The following DOT1L variants were observed in gnomAD, a reference collection of about 807,000 sequenced individuals.
DOT1L encodes the protein histone-lysine N-methyltransferase, H3 lysine-79 specific.
DOT1L carries 33 observed loss-of-function variants against 153.3 expected under a neutral mutation model. The observed-to-expected ratio is 0.22, with a 90% CI of 0.16 to 0.29. DOT1L has a LOEUF of 0.29. Among genes scored for constraint, DOT1L ranks in the 10% least tolerant of loss-of-function variants. The pLI is 1.00. For synonymous variants in DOT1L, 1,135 were observed against 965.1 expected (o/e 1.18, Z -3.26); for missense variants, 1,847 against 2,119.9 (o/e 0.87, Z 2.53).
rs141364471 is a variant in DOT1L at position 2,178,021 on chromosome 19, C to T, written c.82-2692C>T. Among the ~76,000 whole-genome samples, 1,226 of 151,680 alleles carry T rather than the reference C, an allele frequency of 8.1e-3. 9 individuals carry two copies. Among genetic ancestry groups the T allele is most frequent in the Non-Finnish European group, 0.013 (888 of 67,958 alleles). Reference sequence around the variant, plus strand: ...CACTGCAACCTCTGCCTCCTGAGTTCAAGTGAATCTCCTGGCTCAGCCTCC... The same window carrying T: ...CACTGCAACCTCTGCCTCCTGAGTTTAAGTGAATCTCCTGGCTCAGCCTCC... On this transcript the variant is annotated intron_variant, in intron 1 of 27. Coordinates refer to ENST00000398665, the MANE Select transcript of DOT1L (RefSeq NM_032482.3).
At chr19:2,194,489 CG>C in intron 6 of DOT1L, 25 bp from the exon 7 acceptor site, 2 of 1,613,740 alleles carry the variant, frequency 1.2e-6, no homozygotes, top group Non-Finnish European at 8.5e-7. Flanking sequence ...GAGTTTGTAA[CG>C]GGCGTTTGGT....
At position 2,232,468 on chromosome 19, in the gene DOT1L, G is replaced by A. The variant is rs141286902; in HGVS notation, c.*2676G>A. On this transcript the variant is annotated 3_prime_UTR_variant, in exon 28 of 28. Coordinates refer to ENST00000398665, the MANE Select transcript of DOT1L (RefSeq NM_032482.3). The stretch of plus-strand genomic sequence containing the variant: ...TCCGGGTGAACTGTATTTGGATTGC[G>A]CGCATTGTCACGGTCCGCCCCTGGG... The A allele has an allele frequency of 1.4e-3, 306 of 222,406 alleles. 1 individual carries two copies. The highest frequency in any genetic ancestry group is 5.6e-3 in the African/African-American group (251 of 44,716). The allele number at this position is 222,406 out of a possible 1,614,324, so 13.8% of individuals were successfully genotyped here.
At chr19:2,169,214 C>G (rs1015485087) in intron 1 of DOT1L, among the ~76,000 whole-genome samples, 3 of 152,084 alleles carry the variant, frequency 2.0e-5, no homozygotes, top group Non-Finnish European at 4.4e-5. Flanking sequence ...GGTGAGCTGT[C>G]CCCACCGTGA....
At position 2,217,954 on chromosome 19, in the gene DOT1L, C is replaced by A; in HGVS notation, c.2691+36C>A. ...CCCAGGTGGCTGTCCCCAAGGGCCA[C>A]GTTGAGGCAAAACAGTCTGGGGTGC... On this transcript the variant is annotated intron_variant, in intron 22 of 27. Transcript: ENST00000398665. This position sits in a 1 kb window ranked among gnomAD's most constrained non-coding sequence, Gnocchi z 7.3. 1 of 1,602,636 alleles carries A rather than the reference C, an allele frequency of 6.2e-7. No homozygotes were observed. The highest frequency in any genetic ancestry group is 8.5e-7 in the Non-Finnish European group (1 of 1,176,894).
intron 1 of DOT1L, among the ~76,000 whole-genome samples, chr19:2,169,440 G>A (rs566304727): frequency 1.2e-4 from 19 of 152,288 alleles, no homozygotes; most frequent in African/African-American, 4.6e-4. Context: ...GGGGTACTGG[G>A]GCGGGGAATT....
Position 2,217,914 on chromosome 19 carries a change from G to A in DOT1L, c.2687G>A (p.Arg896Lys), listed in dbSNP as rs770910000. Residue 896 changes from arginine to lysine, a missense_variant, in exon 22 of 28, where the codon AGG becomes AAG. By Grantham distance (26) the Arg-to-Lys change is conservative (BLOSUM62 2). Coordinates refer to ENST00000398665, the MANE Select transcript of DOT1L (RefSeq NM_032482.3). This position sits in a 1 kb window ranked among gnomAD's most constrained non-coding sequence, Gnocchi z 7.3. The part of the protein sequence containing the change: ...ASVVLPSRAE[R>K]ARSTPSPVLQ... The stretch of plus-strand genomic sequence containing the variant: ...GTGGTGCTGCCCAGCCGCGCCGAGA[G>A]GGCGGTGAGTGGCTCCCAGGTGGCT... 4.3e-6 allele frequency: 7 copies of A among 1,611,488 alleles called. No homozygotes were observed. The highest frequency in any genetic ancestry group is 5.9e-6 in the Non-Finnish European group (7 of 1,179,644).
intron 25 of DOT1L, 22 bp downstream of exon 25, chr19:2,223,508 G>C: frequency 6.3e-7 from 1 of 1,583,708 alleles, no homozygotes; most frequent in East Asian, 2.3e-5. Context: ...GGCCCGGAGG[G>C]GGGCGGGGCC....
At chr19:2,175,432 C>T (rs1405809221) in intron 1 of DOT1L, among the ~76,000 whole-genome samples, 2 of 152,228 alleles carry the variant, frequency 1.3e-5, no homozygotes, top group African/African-American at 2.4e-5. Context: ...TCCTAAGTTG[C>T]TGGGACCCCA....
intron 17 of DOT1L, 62 bp downstream of exon 17, chr19:2,213,702 G>T (rs997276180): frequency 1.2e-6 from 2 of 1,605,316 alleles, no homozygotes; most frequent in Non-Finnish European, 1.7e-6. Context: ...GGTGGTCCAT[G>T]TCCGTCGGTA....
intron 20 of DOT1L, 37 bp from the exon 21 acceptor site, chr19:2,216,918 C>T (rs767492250): frequency 5.7e-6 from 9 of 1,587,078 alleles, no homozygotes; most frequent in Non-Finnish European, 7.8e-6. Context: ...AGTGCCAGCC[C>T]ACGGCCCTCG....
At chr19:2,173,890 T>C (rs1455993355) in intron 1 of DOT1L, among the ~76,000 whole-genome samples, 2 of 152,352 alleles carry the variant, frequency 1.3e-5, no homozygotes, top group African/African-American at 4.8e-5. Context: ...TCAGCCCTCC[T>C]GAGCCCCTCC....
chr19:2,211,163 C>T lies in DOT1L; in HGVS notation c.1416C>T (p.Pro472=). 6.2e-7 allele frequency: 1 copy of T among 1,612,620 alleles called. No homozygotes were observed. Among genetic ancestry groups the T allele is most frequent in the Non-Finnish European group, 8.5e-7 (1 of 1,179,628 alleles). ...CTCCGAGCGTGCAGCGGCACTCCCC[C>T]AACCCGCTGCTGGTGGCGCCCACCC... ...QLPPSVQRHS[P]NPLLVAPTPP... The change falls in exon 15 of 28, where the codon CCC becomes CCT. Residue 472 remains proline, a synonymous_variant. Coordinates refer to ENST00000398665, the MANE Select transcript of DOT1L (RefSeq NM_032482.3).
Position 2,204,185 on chromosome 19 carries a change from G to A in DOT1L, c.787+1406G>A, listed in dbSNP as rs577032301. ...TGTGTGTCTGTTAGCGTGTCTCTGT[G>A]TGCGTGCCTGTGCGTGCCTGTGTCT... On this transcript the variant is annotated intron_variant, in intron 9 of 27. Coordinates refer to ENST00000398665, the MANE Select transcript of DOT1L (RefSeq NM_032482.3). This position sits in a 1 kb window ranked among gnomAD's most constrained non-coding sequence, Gnocchi z 5.7. 1.3e-5 allele frequency among the ~76,000 whole-genome samples: 2 copies of A among 151,810 alleles called. No individual in the cohort carries two copies. The highest frequency in any genetic ancestry group is 3.9e-4 in the East Asian group (2 of 5,168).
rs1476261089 is a variant in DOT1L, at chr19:2,231,325, CCT to C, written c.*1534_*1535del. ...ATCCACCCTCCAGGGAGCTGCCAGC[CCT>C]GTGTTCTGGTTCCCAAGGGCAGGAT... On this transcript the variant is annotated 3_prime_UTR_variant, in exon 28 of 28. Transcript: ENST00000398665. The C allele has an allele frequency of 3.2e-5, 7 of 216,204 alleles. No homozygotes were observed. The East Asian group carries it at 4.1e-4, about 13-fold the overall frequency. The allele number at this position is 216,204 out of a possible 1,614,324, so 13.4% of individuals were successfully genotyped here.
intron 1 of DOT1L, among the ~76,000 whole-genome samples, chr19:2,168,338 A>G (rs747392442): frequency 7.2e-5 from 11 of 152,160 alleles, no homozygotes; most frequent in Non-Finnish European, 7.4e-5. Flanking sequence ...TAAGTAGATT[A>G]TAAATAGAAG....
At chr19:2,202,848 G>C in intron 9 of DOT1L, 69 bp downstream of exon 9, 1 of 1,537,874 alleles carries the variant, frequency 6.5e-7, no homozygotes, top group Non-Finnish European at 9.0e-7. Flanking sequence ...GGAGGTCCCC[G>C]CAGGGTGTCC....
intron 27 of DOT1L, chr19:2,228,857 C>CTGGA (rs1258779945): frequency 2.0e-6 from 2 of 985,292 alleles, no homozygotes; most frequent in African/African-American, 3.5e-5. Context: ...GGGTGGCTGG[C>CTGGA]TGGATGCCTC....
chr19:2,195,999 C>T (rs1323053782), intron 7 of DOT1L, among the ~76,000 whole-genome samples: 1 of 152,256 alleles, frequency 6.6e-6, no homozygotes, highest in Non-Finnish European at 1.5e-5. Context: ...GGCTGTGTGC[C>T]CGCCCGTCTG....
At chr19:2,165,671 G>T (rs1439457674) in intron 1 of DOT1L, among the ~76,000 whole-genome samples, 2 of 152,234 alleles carry the variant, frequency 1.3e-5, no homozygotes, top group African/African-American at 4.8e-5. Context: ...GTTTTAGGTG[G>T]TAGAAGGCAT....
Sources: allele counts gnomAD v4.1 joint callset (sites outside exome capture counted in the v4.1 genomes callset), GRCh38; gene constraint gnomAD v4.1.1; non-coding constraint Gnocchi (gnomAD v3.1); transcripts MANE v1.5; gene names NCBI Gene and HGNC (gene_info 2026-07-23, HGNC 2026-07-21).